CYP2C18: variants seen among roughly 807,000 people sequenced by gnomAD.
CYP2C18 encodes cytochrome P450 family 2 subfamily C member 18, also known as cytochrome P450 2C18.
Under a neutral mutation model 41.3 loss-of-function variants are expected in CYP2C18, and 38 were observed. That is an observed-to-expected ratio of 0.92 (90% CI 0.71 to 1.21). The LOEUF is 1.21. CYP2C18 is among the 50% of genes most tolerant of loss of function. The pLI is 0.00. For missense variants in CYP2C18, 635 were observed against 591.4 expected, an observed-to-expected ratio of 1.07 and a Z score of -0.77; for synonymous variants, 236 against 210.0, an observed-to-expected ratio of 1.12 and a Z score of -1.07.
In CYP2C18 at chr10:94,706,949, A is replaced by G. The variant is rs1267821504; in HGVS notation, c.808A>G (p.Lys270Glu). The change falls in exon 5 of 9, where the codon AAA becomes GAA. Residue 270 changes from lysine (K) to glutamate (E), a missense_variant. By Grantham distance (56) the Lys-to-Glu change is moderately conservative (BLOSUM62 1). Coordinates refer to ENST00000285979, the MANE Select transcript of CYP2C18 (RefSeq NM_000772.3). The part of the protein sequence containing the change: ...ARDFIDCFLI[K>E]MEQEKHNQQS... Reference sequence around the variant, plus strand: ...GGACTTTATTGATTGTTTCCTGATCAAAATGGAACAGGTAAAATGTTATTT... The same window carrying G: ...GGACTTTATTGATTGTTTCCTGATCGAAATGGAACAGGTAAAATGTTATTT... The G allele has an allele frequency of 1.9e-6, 3 of 1,606,200 alleles. No homozygotes were observed. The highest frequency in any genetic ancestry group is 1.7e-4 in the Middle Eastern group (1 of 6,028).
intron 1 of CYP2C18, among the ~76,000 whole-genome samples, chr10:94,686,145 G>T (rs1846883284): frequency 6.6e-6 from 1 of 151,876 alleles, no homozygotes; most frequent in African/African-American, 2.4e-5. Context: ...TTTATTTTTT[G>T]ATGCTACTAT....
intron 6 of CYP2C18, among the ~76,000 whole-genome samples, chr10:94,721,715 G>T (rs1017065056): frequency 1.3e-5 from 2 of 151,968 alleles, no homozygotes; most frequent in Non-Finnish European, 2.9e-5. Flanking sequence ...TGTGGTTTTT[G>T]ACTTTCTATT....
chr10:94,708,380 A>G (rs1469062452), intron 5 of CYP2C18, among the ~76,000 whole-genome samples: 2 of 152,160 alleles, frequency 1.3e-5, no homozygotes, highest in Non-Finnish European at 2.9e-5. Context: ...ACACTATATG[A>G]GTTCTCCATT....
intron 5 of CYP2C18, among the ~76,000 whole-genome samples, chr10:94,709,666 A>G (rs1379511142): frequency 6.6e-6 from 1 of 152,164 alleles, no homozygotes; most frequent in Non-Finnish European, 1.5e-5. Flanking sequence ...CGTTTAAGAA[A>G]TGATTTCTTA....
intron 4 of CYP2C18, among the ~76,000 whole-genome samples, chr10:94,701,994 G>C (rs987055590): frequency 6.6e-6 from 1 of 151,078 alleles, no homozygotes; most frequent in Non-Finnish European, 1.5e-5. Flanking sequence ...AATGTCACTG[G>C]TAAAAAAAAA....
intron 5 of CYP2C18, among the ~76,000 whole-genome samples, chr10:94,719,780 G>T (rs1335261635): frequency 1.3e-5 from 2 of 152,030 alleles, no homozygotes; most frequent in Non-Finnish European, 2.9e-5. Flanking sequence ...TCACCATGTT[G>T]CCCAGGCTGG....
At chr10:94,714,700 TC>T (rs931704473) in intron 5 of CYP2C18, among the ~76,000 whole-genome samples, 3 of 152,232 alleles carry the variant, frequency 2.0e-5, no homozygotes, top group Admixed American at 2.0e-4. Flanking sequence ...AGTAGTTTTT[TC>T]CAATTCTGTG....
chr10:94,698,023 A>G (rs561304106), intron 4 of CYP2C18, among the ~76,000 whole-genome samples: 98 of 152,262 alleles, frequency 6.4e-4, no homozygotes, highest in African/African-American at 2.3e-3. Flanking sequence ...CTCCCACACA[A>G]TAATAATGGG....
intron 4 of CYP2C18, among the ~76,000 whole-genome samples, chr10:94,700,521 G>A (rs143966491): frequency 0.048 from 7,349 of 152,152 alleles, 241 homozygotes; most frequent in South Asian, 0.12. Flanking sequence ...CATAAAAACC[G>A]TAGAAGAAAA....
intron 3 of CYP2C18, 27 bp from the exon 4 acceptor site, chr10:94,694,890 T>A (rs1847083819): frequency 4.4e-6 from 7 of 1,600,518 alleles, no homozygotes; most frequent in Non-Finnish European, 6.0e-6. Context: ...ATTTTAATGG[T>A]AATTTAAAAT....
At chr10:94,712,674 A>G (rs1391661041) in intron 5 of CYP2C18, among the ~76,000 whole-genome samples, 2 of 152,188 alleles carry the variant, frequency 1.3e-5, no homozygotes, top group Admixed American at 6.6e-5. Flanking sequence ...TTGCTTTGAC[A>G]TACTGATTTC....
At chr10:94,718,928 C>T (rs1847602527) in intron 5 of CYP2C18, among the ~76,000 whole-genome samples, 1 of 152,098 alleles carries the variant, frequency 6.6e-6, no homozygotes, top group Admixed American at 6.6e-5. Flanking sequence ...GATTCATTCT[C>T]AATTGTATGG....
At chr10:94,719,794 C>T (rs946858858) in intron 5 of CYP2C18, among the ~76,000 whole-genome samples, 12 of 152,114 alleles carry the variant, frequency 7.9e-5, no homozygotes, top group South Asian at 2.1e-4. Flanking sequence ...AGGCTGGTCT[C>T]GAACTCCTGA....
In CYP2C18 at chr10:94,724,351, G is replaced by C. The variant is rs765609209; in HGVS notation, c.967G>C (p.Val323Leu). 2.5e-6 allele frequency: 4 copies of C among 1,613,034 alleles called. No homozygotes were observed. Among genetic ancestry groups the C allele is most frequent in the Non-Finnish European group, 3.4e-6 (4 of 1,179,528 alleles). ...LLKYPEVTAK[V>L]QEEIECVVGR... is the part of the protein sequence containing the mutation. The stretch of plus-strand genomic sequence containing the variant: ...TCTTACTTGTGTCTTATCAGCTAAA[G>C]TCCAGGAAGAGATTGAATGTGTAGT... Residue 323 changes from valine (V) to leucine (L), a missense_variant, in exon 7 of 9, where the codon GTC (valine) becomes CTC (leucine). Coordinates refer to ENST00000285979, the MANE Select transcript of CYP2C18 (RefSeq NM_000772.3).
intron 4 of CYP2C18, among the ~76,000 whole-genome samples, chr10:94,705,975 T>G (rs1316427839): frequency 6.6e-6 from 1 of 152,186 alleles, no homozygotes; most frequent in Non-Finnish European, 1.5e-5. Context: ...AAGCTGGCAT[T>G]ACTCACAGGC....
At chr10:94,694,781 C>A in intron 3 of CYP2C18, 136 bp from the exon 4 acceptor site, 2 of 911,924 alleles carry the variant, frequency 2.2e-6, no homozygotes, top group Non-Finnish European at 1.6e-6. Flanking sequence ...TTTCAATATG[C>A]TGTAGTTTGT....
intron 7 of CYP2C18, among the ~76,000 whole-genome samples, chr10:94,725,493 C>T (rs1203012125): frequency 1.3e-5 from 2 of 151,634 alleles, no homozygotes; most frequent in African/African-American, 2.4e-5. Flanking sequence ...TTAGGATTTC[C>T]AGGACAGCGT....
At chr10:94,696,980 T>C (rs972271007) in intron 4 of CYP2C18, among the ~76,000 whole-genome samples, 9 of 152,108 alleles carry the variant, frequency 5.9e-5, no homozygotes, top group Non-Finnish European at 1.2e-4. Context: ...TAGGACTATG[T>C]GAAAAGACCA....
At position 94,720,441 on chromosome 10, in the gene CYP2C18, G is replaced by T; in HGVS notation, c.865G>T (p.Ala289Ser). The T allele has an allele frequency of 6.2e-7, 1 of 1,612,912 alleles. No individual in the cohort carries two copies. ...TGAATTTACTGTTGAAAGCTTGATA[G>T]CCACTGTAACTGATATGTTTGGGGC... Reference protein sequence around the residue: ...QSEFTVESLIATVTDMFGAGT... With the variant: ...QSEFTVESLISTVTDMFGAGT... Residue 289 changes from alanine (A) to serine (S), a missense_variant, in exon 6 of 9, where the codon GCC becomes TCC. Ala to Ser is a moderately conservative substitution (Grantham distance 99). Coordinates refer to ENST00000285979, the MANE Select transcript of CYP2C18 (RefSeq NM_000772.3).
Sources: gnomAD v4.1 joint callset for allele counts (sites outside exome capture counted in the v4.1 genomes callset) on GRCh38, gnomAD v4.1.1 for gene constraint, MANE v1.5 for transcripts, NCBI Gene and HGNC (gene_info 2026-07-23, HGNC 2026-07-21) for gene names.